ANKRD30BL: variants seen among roughly 807,000 people sequenced by gnomAD.
ANKRD30BL encodes the protein ankyrin repeat domain 30B like, also known as putative ankyrin repeat domain-containing protein 30B-like.
In ANKRD30BL, 20 loss-of-function variants were observed where a neutral mutation model predicts 18.4. That is an observed-to-expected ratio of 1.09 (90% confidence interval 0.77 to 1.58). The LOEUF (loss-of-function observed/expected upper bound fraction) is 1.58, where lower values mean the gene tolerates loss of function less well. Ranked by LOEUF, ANKRD30BL falls within the 40% of genes most tolerant of loss-of-function variation. The pLI, the probability that ANKRD30BL is intolerant of heterozygous loss-of-function variation, is 0.00. For missense variants in ANKRD30BL, 224 were observed against 268.6 expected, an observed-to-expected ratio of 0.83 and a Z score of 1.16; for synonymous variants, 72 against 100.9, an observed-to-expected ratio of 0.71 and a Z score of 1.72.
intron 1 of ANKRD30BL, among the ~76,000 whole-genome samples, chr2:132,177,661 G>T (rs1395363392): frequency 2.6e-5 from 4 of 152,152 alleles, no homozygotes; most frequent in African/African-American, 4.8e-5. Flanking sequence ...ACAATTCACA[G>T]TAAGGAATTG....
intron 1 of ANKRD30BL, among the ~76,000 whole-genome samples, chr2:132,168,725 AC>A (rs1473893740): frequency 3.3e-5 from 5 of 152,124 alleles, no homozygotes; most frequent in Non-Finnish European, 7.4e-5. Flanking sequence ...GTATTTCCAT[AC>A]AAGCACACAT....
intron 1 of ANKRD30BL, among the ~76,000 whole-genome samples, chr2:132,159,177 T>C (rs1188629282): frequency 6.6e-6 from 1 of 152,108 alleles, no homozygotes. Flanking sequence ...TTACCCTCAC[T>C]TGATACACCA....
intron 1 of ANKRD30BL, among the ~76,000 whole-genome samples, chr2:132,171,034 T>C (rs945109779): frequency 6.6e-6 from 1 of 151,842 alleles, no homozygotes; most frequent in Non-Finnish European, 1.5e-5. Flanking sequence ...CGGGCGCCTG[T>C]AGTCCCAGCT....
rs1162713070 is a variant in ANKRD30BL at position 132,175,673 on chromosome 2, T to A, written n.442-18527A>T. Among the ~76,000 whole-genome samples the A allele has an allele frequency of 1.6e-4, 25 of 152,236 alleles. No homozygotes were observed. In the South Asian group the frequency reaches 2.1e-3, roughly 13 times the overall value. ...ATTTCAGACTATCACATGTGGAGAA[T>A]CCTTGGACAATACCCGGCTTTCCAG... On this transcript the variant is annotated intron_variant and non_coding_transcript_variant, in intron 1 of 4. Coordinates refer to the ANKRD30BL transcript ENST00000470729.
At chr2:132,194,560 A>G (rs996494049) in intron 1 of ANKRD30BL, among the ~76,000 whole-genome samples, 2 of 152,168 alleles carry the variant, frequency 1.3e-5, no homozygotes, top group African/African-American at 4.8e-5. Context: ...GACCTAAGCC[A>G]AAGCATTCTT....
upstream of ANKRD30BL, among the ~76,000 whole-genome samples, chr2:132,164,269 C>CTTTT (rs796313755): frequency 8.0e-5 from 9 of 112,208 alleles, 1 homozygote; most frequent in East Asian, 1.2e-3. Flanking sequence ...TTTTCTTTTT[C>CTTTT]TTTTTTTTTT....
intron 1 of ANKRD30BL, among the ~76,000 whole-genome samples, chr2:132,187,991 C>A (rs1341716914): frequency 1.3e-5 from 2 of 152,130 alleles, no homozygotes; most frequent in African/African-American, 4.8e-5. Flanking sequence ...AGGTGATTGG[C>A]CTGCCTTGGC....
intron 5 of ANKRD30BL, among the ~76,000 whole-genome samples, chr2:132,149,920 G>A (rs1209249770): frequency 6.6e-6 from 1 of 152,070 alleles, no homozygotes; most frequent in Non-Finnish European, 1.5e-5. Flanking sequence ...TAAGAATACA[G>A]TATATAGTAC....
At chr2:132,217,944 A>C (rs62165481) in intron 1 of ANKRD30BL, among the ~76,000 whole-genome samples, 17 of 151,710 alleles carry the variant, frequency 1.1e-4, no homozygotes, top group Non-Finnish European at 2.2e-4. Flanking sequence ...AAACGGGTAT[A>C]TCTTCACATA....
At chr2:132,247,644 CAA>C (rs1488074989) in intron 1 of ANKRD30BL, among the ~76,000 whole-genome samples, 6 of 151,728 alleles carry the variant, frequency 4.0e-5, no homozygotes, top group Non-Finnish European at 7.4e-5. Flanking sequence ...GCAGATACTA[CAA>C]AAAGACTGTT....
chr2:132,148,349 CTCCTTT>C (rs1558908733), intron 5 of ANKRD30BL, 121 bp from the exon 6 acceptor site: 1 of 158,062 alleles, frequency 6.3e-6, no homozygotes, highest in African/African-American at 4.0e-5. Context: ...CTTTTGTTTT[CTCCTTT>C]TTTTTTTTTT....
At chr2:132,180,988 A>G (rs1173355460) in intron 1 of ANKRD30BL, among the ~76,000 whole-genome samples, 1 of 151,896 alleles carries the variant, frequency 6.6e-6, no homozygotes, top group Admixed American at 6.6e-5. Flanking sequence ...TCTACTAAAC[A>G]TACAAAAAAT....
intron 1 of ANKRD30BL, among the ~76,000 whole-genome samples, chr2:132,199,515 T>C (rs1009432024): frequency 1.3e-5 from 2 of 151,976 alleles, no homozygotes; most frequent in Non-Finnish European, 2.9e-5. Flanking sequence ...CTTTTTTTTT[T>C]ATTTTTTGTT....
intron 1 of ANKRD30BL, among the ~76,000 whole-genome samples, chr2:132,234,537 C>T (rs1334764041): frequency 6.6e-6 from 1 of 152,074 alleles, no homozygotes; most frequent in Non-Finnish European, 1.5e-5. Context: ...TACAAACTAC[C>T]ATCAGAGAAT....
intron 1 of ANKRD30BL, among the ~76,000 whole-genome samples, chr2:132,216,382 C>A (rs1180610042): frequency 6.6e-6 from 1 of 151,900 alleles, no homozygotes; most frequent in African/African-American, 2.4e-5. Flanking sequence ...CAGAAGCATC[C>A]TGAGAAACTT....
intron 1 of ANKRD30BL, among the ~76,000 whole-genome samples, chr2:132,254,318 G>A (rs75353435): frequency 2.3e-5 from 3 of 130,750 alleles, no homozygotes; most frequent in African/African-American, 5.7e-5. Context: ...AGGACATGGC[G>A]GCGTCTCCGT....
intron 1 of ANKRD30BL, among the ~76,000 whole-genome samples, chr2:132,204,993 T>A (rs1190310375): frequency 6.6e-6 from 1 of 152,058 alleles, no homozygotes; most frequent in African/African-American, 2.4e-5. Context: ...TGGGAATGGA[T>A]AAAAGGAGCA....
rs991308819 is a variant in ANKRD30BL, at chr2:132,147,772, CT to C, written c.*358del. 1.1e-5 allele frequency: 3 copies of C among 262,314 alleles called. No homozygotes were observed. Among genetic ancestry groups the C allele is most frequent in the African/African-American group, 6.5e-5 (3 of 46,036 alleles). The allele number at this position is 262,314 out of a possible 1,614,324, so 16.2% of individuals were successfully genotyped here. A position where few individuals can be genotyped will look rare whatever the true frequency, so the allele number is the denominator to read the frequency against. ...CACACTCTAAGCCAATTCAGATTGG[CT>C]ATTTAAAGAGGGCAGGGGTATGAGC... On this transcript the variant is annotated 3_prime_UTR_variant, in exon 6 of 6. Transcript: ENST00000409867.
intron 1 of ANKRD30BL, among the ~76,000 whole-genome samples, chr2:132,243,555 A>C (rs112486430): frequency 6.6e-6 from 1 of 151,016 alleles, no homozygotes; most frequent in East Asian, 1.9e-4. Context: ...CATTGGAAAC[A>C]GGAATATCGT....
Sources: allele counts gnomAD v4.1 joint callset (sites outside exome capture counted in the v4.1 genomes callset), GRCh38; gene constraint gnomAD v4.1.1; transcripts MANE v1.5; gene names NCBI Gene and HGNC (gene_info 2026-07-23, HGNC 2026-07-21).